SESTD1: variants seen among roughly 807,000 people sequenced by gnomAD.
The protein encoded by SESTD1 is SEC14 and spectrin domain containing 1.
A neutral mutation model predicts 101.7 loss-of-function variants in SESTD1; 43 were observed. That is an observed-to-expected ratio of 0.42 (90% CI 0.33 to 0.55). The LOEUF is 0.55. Ranked by LOEUF, SESTD1 falls within the 20% of genes least tolerant of loss-of-function variation. SESTD1 has a pLI of 0.07. For synonymous variants in SESTD1, 283 were observed against 286.8 expected (o/e 0.99, Z 0.13); for missense variants, 647 against 815.1 (o/e 0.79, Z 2.51).
intron 2 of SESTD1, among the ~76,000 whole-genome samples, chr2:179,184,842 T>A (rs2046182933): frequency 7.3e-6 from 1 of 137,424 alleles, no homozygotes; most frequent in East Asian, 2.7e-4. Flanking sequence ...AAGATAAATT[T>A]AACATTCAGG....
intron 1 of SESTD1, among the ~76,000 whole-genome samples, chr2:179,196,354 C>T (rs2046393432): frequency 6.6e-6 from 1 of 152,222 alleles, no homozygotes; most frequent in African/African-American, 2.4e-5. Flanking sequence ...TGAGATCAAA[C>T]TGCAAGGTGG....
intron 1 of SESTD1, among the ~76,000 whole-genome samples, chr2:179,205,197 C>CT (rs562590131): frequency 0.12 from 14,137 of 114,958 alleles, 4,578 homozygotes; most frequent in African/African-American, 0.45. Flanking sequence ...ACACTTAAGG[C>CT]TTTTTTTTTT....
intron 2 of SESTD1, 83 bp downstream of exon 2, chr2:179,191,704 A>T: frequency 8.0e-6 from 9 of 1,128,638 alleles, no homozygotes; most frequent in Non-Finnish European, 1.2e-5. Flanking sequence ...ATTAAAAAAA[A>T]ATGCATCTGT....
At chr2:179,148,715 C>T (rs1308180496) in intron 7 of SESTD1, among the ~76,000 whole-genome samples, 3 of 152,072 alleles carry the variant, frequency 2.0e-5, no homozygotes, top group South Asian at 2.1e-4. Flanking sequence ...TTTGAAAACA[C>T]GTTCTTGAAA....
chr2:179,108,791 TAAAA>T lies in SESTD1; in HGVS notation c.*1104_*1107del, dbSNP rs955903658. 1 of 152,098 alleles carries T rather than the reference TAAAA, an allele frequency of 6.6e-6. No homozygotes were observed. 9.4% of individuals were successfully genotyped at this position (152,098 alleles called of 1,614,324 possible). A position where few individuals can be genotyped will look rare whatever the true frequency, so the allele number is the denominator to read the frequency against. The stretch of plus-strand genomic sequence containing the variant: ...TTACCATTTAAACTTAATACAAACT[TAAAA>T]GAACTAGCATTTCATGATAAATTTT... On this transcript the variant is annotated 3_prime_UTR_variant, in exon 18 of 18. Transcript: ENST00000428443.
Position 179,105,127 on chromosome 2 carries a change from C to G in SESTD1, c.*4772G>C, listed in dbSNP as rs2044351656. 1 of 151,724 alleles carries G rather than the reference C, an allele frequency of 6.6e-6. No homozygotes were observed. The highest frequency in any genetic ancestry group is 1.5e-5 in the Non-Finnish European group (1 of 67,956). 9.4% of individuals were successfully genotyped at this position (151,724 alleles called of 1,614,324 possible). On this transcript the variant is annotated 3_prime_UTR_variant, in exon 18 of 18. Transcript: ENST00000428443. ...TGCCTGAGTTTACCAAGAGACTGCT[C>G]CTCTCTAAGCATAGCCAGCACTAAT...
chr2:179,152,962 C>T (rs1207959648), intron 5 of SESTD1, among the ~76,000 whole-genome samples: 2 of 151,920 alleles, frequency 1.3e-5, no homozygotes, highest in African/African-American at 2.4e-5. Context: ...CTCAAAAAAG[C>T]CGAAACTTAT....
At chr2:179,191,254 C>A (rs115506156) in intron 2 of SESTD1, among the ~76,000 whole-genome samples, 1,711 of 152,190 alleles carry the variant, frequency 0.011, 17 homozygotes, top group African/African-American at 0.031. Context: ...TGTAAAAAAA[C>A]AGGGAAATCA....
At chr2:179,126,767 T>C (rs990960408) in intron 10 of SESTD1, among the ~76,000 whole-genome samples, 1 of 152,072 alleles carries the variant, frequency 6.6e-6, no homozygotes, top group Non-Finnish European at 1.5e-5. Context: ...AAATCTAACC[T>C]GCCACCAAAG....
intron 10 of SESTD1, among the ~76,000 whole-genome samples, chr2:179,127,948 A>T (rs1210980932): frequency 2.0e-5 from 3 of 152,232 alleles, no homozygotes; most frequent in Admixed American, 6.5e-5. Context: ...AAATGCTCTA[A>T]ATAAATAGGC....
At chr2:179,237,907 CA>C (rs1281257024) in intron 1 of SESTD1, among the ~76,000 whole-genome samples, 9 of 152,110 alleles carry the variant, frequency 5.9e-5, no homozygotes, top group African/African-American at 2.2e-4. Context: ...GACCTTTGAG[CA>C]ATACAGGGAT....
chr2:179,114,085 T>C (rs1407070350), intron 16 of SESTD1, among the ~76,000 whole-genome samples: 1 of 150,294 alleles, frequency 6.7e-6, no homozygotes, highest in Non-Finnish European at 1.5e-5. Context: ...GTTTTCTATG[T>C]TAATAGTATA....
rs529223586 is a variant in SESTD1 at position 179,216,753 on chromosome 2, C to G, written c.-25-24887G>C. On this transcript the variant is annotated intron_variant, in intron 1 of 17. Transcript: ENST00000428443. Reference sequence around the variant, plus strand: ...AACTATACTACAAGTCTACAGTAACCAAAACAGCATGGTACTGGTACCAAA... The same window carrying G: ...AACTATACTACAAGTCTACAGTAACGAAAACAGCATGGTACTGGTACCAAA... Among the ~76,000 whole-genome samples, 39 of 134,604 alleles carry G rather than the reference C, an allele frequency of 2.9e-4. 11 individuals are homozygous for G. The highest frequency in any genetic ancestry group is 1.1e-3 in the African/African-American group (39 of 34,126). 88.3% of individuals were successfully genotyped at this position (134,604 alleles called of 152,430 possible). A position where few individuals can be genotyped will look rare whatever the true frequency, so the allele number is the denominator to read the frequency against.
intron 1 of SESTD1, among the ~76,000 whole-genome samples, chr2:179,212,465 A>G (rs1184972198): frequency 7.4e-6 from 1 of 135,674 alleles, no homozygotes; most frequent in African/African-American, 2.9e-5. Context: ...CCATTGCTGA[A>G]GCTTAAGTAG....
At chr2:179,182,983 CAGATA>C in intron 3 of SESTD1, 92 bp downstream of exon 3, 1 of 722,280 alleles carries the variant, frequency 1.4e-6, no homozygotes, top group South Asian at 2.9e-5. Context: ...CGAATAAAAG[CAGATA>C]AGATAGCAAA....
intron 1 of SESTD1, among the ~76,000 whole-genome samples, chr2:179,197,188 C>G (rs2046413451): frequency 6.6e-6 from 1 of 151,768 alleles, no homozygotes; most frequent in South Asian, 2.1e-4. Flanking sequence ...CCGATGCAAT[C>G]AACTGGAAGA....
intron 1 of SESTD1, among the ~76,000 whole-genome samples, chr2:179,193,155 A>G (rs977418757): frequency 4.0e-5 from 6 of 151,338 alleles, no homozygotes; most frequent in Non-Finnish European, 5.9e-5. Flanking sequence ...GATGTTGAGG[A>G]AAAAAAAAGA....
intron 1 of SESTD1, among the ~76,000 whole-genome samples, chr2:179,203,896 T>C (rs577542883): frequency 1.5e-5 from 2 of 134,318 alleles, no homozygotes; most frequent in Non-Finnish European, 3.2e-5. Flanking sequence ...GCAAGATCCC[T>C]GTCTATAAAA....
At chr2:179,203,909 TAAAA>T (rs1200461394) in intron 1 of SESTD1, among the ~76,000 whole-genome samples, 1 of 133,638 alleles carries the variant, frequency 7.5e-6, no homozygotes, top group Non-Finnish European at 1.6e-5. Context: ...CTATAAAAAA[TAAAA>T]AGAAACAAAT....
Sources: gnomAD v4.1 joint callset for allele counts (sites outside exome capture counted in the v4.1 genomes callset) on GRCh38, gnomAD v4.1.1 for gene constraint, MANE v1.5 for transcripts, NCBI Gene and HGNC (gene_info 2026-07-23, HGNC 2026-07-21) for gene names.